The following LPAR6 variants were observed in gnomAD, a reference collection of about 807,000 sequenced individuals.
LPAR6 encodes G-protein coupled purinergic receptor P2Y5.
Under a neutral mutation model 22.0 loss-of-function variants are expected in LPAR6, and 17 were observed. The observed-to-expected ratio is 0.77, with a 90% confidence interval of 0.53 to 1.16. The LOEUF (loss-of-function observed/expected upper bound fraction) is 1.16. LPAR6 is among the 50% of genes most tolerant of loss of function. The pLI is 0.00. For missense variants in LPAR6, 384 were observed against 406.9 expected (o/e 0.94, Z 0.48); for synonymous variants, 136 against 139.8 (o/e 0.97, Z 0.19).
upstream of LPAR6, among the ~76,000 whole-genome samples, chr13:48,414,262 G>C (rs147133073): frequency 6.2e-3 from 946 of 151,534 alleles, 9 homozygotes; most frequent in African/African-American, 0.022. Context: ...CAGGAGAATC[G>C]CTTGAACCTG....
chr13:48,434,179 G>A (rs1949159451), intron 1 of LPAR6, among the ~76,000 whole-genome samples: 1 of 151,864 alleles, frequency 6.6e-6, no homozygotes, highest in South Asian at 2.1e-4. Flanking sequence ...AGGCCTGGTG[G>A]CTCATGCCTG....
At chr13:48,410,209 G>T (rs770343635), downstream of LPAR6, among the ~76,000 whole-genome samples, 1 of 152,118 alleles carries the variant, frequency 6.6e-6, no homozygotes, top group South Asian at 2.1e-4. Flanking sequence ...GTCAATGACC[G>T]CATAAACGAT....
At chr13:48,399,416 A>C (rs1284687527) in intron 1 of LPAR6, among the ~76,000 whole-genome samples, 1 of 152,088 alleles carries the variant, frequency 6.6e-6, no homozygotes, top group Non-Finnish European at 1.5e-5. Flanking sequence ...AAGATAGATA[A>C]GCAGAAAGAA....
At chr13:48,421,228 C>T (rs1212223909) in intron 2 of LPAR6, among the ~76,000 whole-genome samples, 3 of 152,082 alleles carry the variant, frequency 2.0e-5, no homozygotes, top group African/African-American at 7.2e-5. Flanking sequence ...GAAATAATGC[C>T]ACACATCTAC....
upstream of LPAR6, among the ~76,000 whole-genome samples, chr13:48,431,432 G>A (rs952312225): frequency 4.6e-5 from 7 of 152,180 alleles, no homozygotes; most frequent in South Asian, 1.0e-3. Context: ...TAAATGTTTC[G>A]CTCTTAACCC....
At chr13:48,431,396 A>G (rs1234479530), upstream of LPAR6, among the ~76,000 whole-genome samples, 3 of 152,200 alleles carry the variant, frequency 2.0e-5, no homozygotes, top group Non-Finnish European at 2.9e-5. Context: ...CCAAAAACAT[A>G]TTTTGACTTT....
At chr13:48,418,794 G>A (rs774814116) in intron 2 of LPAR6, among the ~76,000 whole-genome samples, 5 of 151,856 alleles carry the variant, frequency 3.3e-5, no homozygotes, top group Non-Finnish European at 7.4e-5. Context: ...GACAAGAAGG[G>A]CATTACATAA....
chr13:48,440,006 A>G (rs1303522361), intron 1 of LPAR6, among the ~76,000 whole-genome samples: 3 of 152,160 alleles, frequency 2.0e-5, no homozygotes, highest in Non-Finnish European at 2.9e-5. Flanking sequence ...TTATATGTAT[A>G]TGAGAGAAGT....
intron 1 of LPAR6, among the ~76,000 whole-genome samples, chr13:48,404,882 G>A (rs998021438): frequency 1.3e-5 from 2 of 152,040 alleles, no homozygotes; most frequent in African/African-American, 4.8e-5. Context: ...GAGAGAAAAA[G>A]TAAGCTATTT....
At chr13:48,410,199 G>C (rs182779618), downstream of LPAR6, among the ~76,000 whole-genome samples, 675 of 152,258 alleles carry the variant, frequency 4.4e-3, 2 homozygotes, top group African/African-American at 0.015. Flanking sequence ...TAGCATTTTG[G>C]TCAATGACCG....
At chr13:48,437,753 T>A (rs1230619547) in intron 1 of LPAR6, among the ~76,000 whole-genome samples, 1 of 152,152 alleles carries the variant, frequency 6.6e-6, no homozygotes, top group Non-Finnish European at 1.5e-5. Flanking sequence ...AACTGCAGAT[T>A]TTTATAAATT....
chr13:48,406,333 A>G (rs1948739364), downstream of LPAR6, among the ~76,000 whole-genome samples: 1 of 152,210 alleles, frequency 6.6e-6, no homozygotes, highest in South Asian at 2.1e-4. Context: ...TTTGCCAAGT[A>G]ATGACATTAA....
At chr13:48,431,461 C>G (rs535255070), upstream of LPAR6, among the ~76,000 whole-genome samples, 66 of 152,280 alleles carry the variant, frequency 4.3e-4, no homozygotes, top group South Asian at 1.2e-3. Flanking sequence ...TTCAAAGAGA[C>G]TAGCTCTTTA....
rs149557568 is a variant in LPAR6 at position 48,395,218 on chromosome 13, G to T, written n.115-5406C>A. Among the ~76,000 whole-genome samples the T allele has an allele frequency of 5.5e-3, 843 of 152,200 alleles. 5 individuals are homozygous for T. The highest frequency in any genetic ancestry group is 0.01 in the Middle Eastern group (3 of 294). ...TAGCATCAACATCAACAAAAAGGACGTCCACACAGAAACCCCATTTGAAGG... is the reference window on the plus strand; with the variant it reads ...TAGCATCAACATCAACAAAAAGGACTTCCACACAGAAACCCCATTTGAAGG... On this transcript the variant is annotated intron_variant and non_coding_transcript_variant, in intron 1 of 1. Coordinates refer to the LPAR6 transcript ENST00000462781.
Position 48,437,414 on chromosome 13 carries a change from A to G in LPAR6, c.-1474+7139T>C, listed in dbSNP as rs4151560. 5.6e-3 allele frequency among the ~76,000 whole-genome samples: 846 copies of G among 152,368 alleles called. 5 individuals carry two copies. Among genetic ancestry groups the G allele is most frequent in the Middle Eastern group, 0.01 (3 of 294 alleles). ...TCAATTGCTATATTAATTATCTGTT[A>G]GAACAACTAACATTTATTATCTCAC... On this transcript the variant is annotated intron_variant, in intron 1 of 6. Coordinates refer to the LPAR6 transcript ENST00000378434.
At chr13:48,432,260 C>A (rs1443413719) in intron 1 of LPAR6, among the ~76,000 whole-genome samples, 1 of 152,074 alleles carries the variant, frequency 6.6e-6, no homozygotes, top group African/African-American at 2.4e-5. Flanking sequence ...ATCTGTATTT[C>A]CAGCTCACCT....
At chr13:48,395,520 T>C (rs1404667536) in intron 1 of LPAR6, among the ~76,000 whole-genome samples, 3 of 151,856 alleles carry the variant, frequency 2.0e-5, no homozygotes, top group African/African-American at 7.3e-5. Context: ...ATAACCAGTT[T>C]AGAGAAGAAC....
intron 1 of LPAR6, among the ~76,000 whole-genome samples, chr13:48,439,994 T>C (rs1362423223): frequency 6.6e-6 from 1 of 152,130 alleles, no homozygotes; most frequent in Non-Finnish European, 1.5e-5. Flanking sequence ...GTCTAAATAT[T>C]TTTATATGTA....
At chr13:48,443,133 A>G (rs1949254201) in intron 1 of LPAR6, among the ~76,000 whole-genome samples, 1 of 151,734 alleles carries the variant, frequency 6.6e-6, no homozygotes, top group Non-Finnish European at 1.5e-5. Flanking sequence ...ATTCCTTTAA[A>G]CATTGTTATG....
Sources: gnomAD v4.1 joint callset for allele counts (sites outside exome capture counted in the v4.1 genomes callset) on GRCh38, gnomAD v4.1.1 for gene constraint, MANE v1.5 for transcripts, NCBI Gene and HGNC (gene_info 2026-07-23, HGNC 2026-07-21) for gene names.